The following RUNX1 variants were observed in gnomAD, a reference collection of about 807,000 sequenced individuals.
The protein encoded by RUNX1 is RUNX family transcription factor 1, also known as runt-related transcription factor 1.
In RUNX1, 19 loss-of-function variants were observed where a neutral mutation model predicts 42.8. The ratio of observed to expected loss-of-function variants is 0.44; its 90% confidence interval spans 0.31 to 0.65. The LOEUF is 0.65. Ranked by LOEUF, RUNX1 falls within the 30% of genes least tolerant of loss-of-function variation. RUNX1 has a pLI of 0.07. For synonymous variants in RUNX1, 271 were observed against 289.4 expected, an observed-to-expected ratio of 0.94 and a Z score of 0.64; for missense variants, 528 against 672.0, an observed-to-expected ratio of 0.79 and a Z score of 2.37.
chr21:34,893,529 C>CT (rs2058103527), intron 2 of RUNX1, among the ~76,000 whole-genome samples: 1 of 152,218 alleles, frequency 6.6e-6, no homozygotes, highest in African/African-American at 2.4e-5. Context: ...ATATGGATCA[C>CT]TTACTGTATA....
chr21:34,887,582 C>T, intron 3 of RUNX1: 1 of 1,117,298 alleles, frequency 9.0e-7, no homozygotes, highest in Non-Finnish European at 1.1e-6. Context: ...AAAGTCCCAA[C>T]AGAACACAAT....
intron 2 of RUNX1, among the ~76,000 whole-genome samples, chr21:34,995,883 TG>T (rs1479484508): frequency 3.3e-5 from 5 of 152,272 alleles, no homozygotes; most frequent in African/African-American, 1.2e-4. Flanking sequence ...CCTCTTCGAA[TG>T]TACATGTGTA....
At chr21:34,976,143 A>G (rs79850528) in intron 2 of RUNX1, among the ~76,000 whole-genome samples, 1 of 149,692 alleles carries the variant, frequency 6.7e-6, no homozygotes, top group Non-Finnish European at 1.5e-5. Context: ...AAAAAAAAAA[A>G]TTACAGAAGA....
chr21:34,968,143 G>T (rs1001289884), intron 2 of RUNX1, among the ~76,000 whole-genome samples: 3 of 152,324 alleles, frequency 2.0e-5, no homozygotes, highest in Admixed American at 1.3e-4. Context: ...ATCCCAGTTT[G>T]TCCATCTGTG....
intron 4 of RUNX1, among the ~76,000 whole-genome samples, chr21:34,881,051 A>C (rs987189215): frequency 6.6e-6 from 1 of 152,214 alleles, no homozygotes; most frequent in Non-Finnish European, 1.5e-5. Context: ...TCATAAAGCC[A>C]TAGTAGGTCA....
intron 6 of RUNX1, among the ~76,000 whole-genome samples, chr21:34,839,261 A>G (rs985801329): frequency 1.3e-5 from 2 of 151,284 alleles, no homozygotes; most frequent in Admixed American, 1.3e-4. Context: ...CACACTCGGA[A>G]TGTACACTCA....
At chr21:34,881,530 C>G (rs1290367355) in intron 4 of RUNX1, among the ~76,000 whole-genome samples, 1 of 152,168 alleles carries the variant, frequency 6.6e-6, no homozygotes, top group Admixed American at 6.5e-5. Flanking sequence ...GCACTCCCCT[C>G]AATTCAGGGG....
chr21:34,893,910 AAAAT>A (rs1339763534), intron 2 of RUNX1, among the ~76,000 whole-genome samples: 1 of 152,174 alleles, frequency 6.6e-6, no homozygotes, highest in Non-Finnish European at 1.5e-5. Context: ...AGGAACAACT[AAAAT>A]AAGAGGTTCT....
intron 2 of RUNX1, among the ~76,000 whole-genome samples, chr21:34,957,558 G>C (rs748968060): frequency 6.6e-6 from 1 of 152,178 alleles, no homozygotes; most frequent in African/African-American, 2.4e-5. Flanking sequence ...TGTCCCACTT[G>C]GAGTTTGGCC....
intron 2 of RUNX1, among the ~76,000 whole-genome samples, chr21:34,919,295 A>G (rs563910651): frequency 6.6e-6 from 1 of 152,316 alleles, no homozygotes; most frequent in South Asian, 2.1e-4. Context: ...ATGACCATGG[A>G]GAGAAGGGAC....
intron 7 of RUNX1, 72 bp downstream of exon 7, chr21:34,834,338 C>T (rs528711377): frequency 1.3e-6 from 2 of 1,494,140 alleles, no homozygotes; most frequent in Non-Finnish European, 1.9e-6. Flanking sequence ...AAGGTGTGTG[C>T]ACATGGGGGC....
chr21:34,788,159 G>A lies in RUNX1; in HGVS notation c.*3976C>T, dbSNP rs182175338. ...TTGTACCAGGGAGAAAGAAGCCCAC[G>A]CACGAATTTTCAGGATGTTTTGTGA... On this transcript the variant is annotated 3_prime_UTR_variant, in exon 9 of 9. Transcript: ENST00000675419. The A allele has an allele frequency of 6.9e-5, 16 of 233,416 alleles. No homozygotes were observed. Among genetic ancestry groups the A allele is most frequent in the East Asian group, 2.4e-4 (4 of 16,580 alleles). 14.5% of individuals were successfully genotyped at this position (233,416 alleles called of 1,614,324 possible).
intron 3 of RUNX1, chr21:34,888,240 G>A (rs1314444972): frequency 2.8e-6 from 3 of 1,066,948 alleles, no homozygotes; most frequent in Non-Finnish European, 2.3e-6. Flanking sequence ...CGAGCGCCGC[G>A]TAACCGCAGC....
intron 2 of RUNX1, among the ~76,000 whole-genome samples, chr21:35,020,422 T>G (rs2059190027): frequency 6.6e-6 from 1 of 152,166 alleles, no homozygotes; most frequent in African/African-American, 2.4e-5. Flanking sequence ...CAGATGTAAT[T>G]AGTTCTAATG....
intron 2 of RUNX1, among the ~76,000 whole-genome samples, chr21:34,979,321 T>C (rs1157722412): frequency 2.6e-5 from 4 of 151,994 alleles, no homozygotes; most frequent in Admixed American, 2.6e-4. Context: ...ATAGTCTTTA[T>C]AACCAATGCT....
At chr21:34,968,172 C>T (rs895700858) in intron 2 of RUNX1, among the ~76,000 whole-genome samples, 4 of 152,152 alleles carry the variant, frequency 2.6e-5, no homozygotes, top group Admixed American at 6.5e-5. Flanking sequence ...TCTGAGTGGG[C>T]GAGTTGCTTC....
intron 7 of RUNX1, among the ~76,000 whole-genome samples, chr21:34,815,804 G>A (rs556453108): frequency 1.7e-4 from 26 of 152,256 alleles, no homozygotes; most frequent in African/African-American, 5.3e-4. Flanking sequence ...GGCAGCCTCC[G>A]ATGAGGCTGA....
chr21:34,990,892 G>A (rs1164530686), intron 2 of RUNX1, among the ~76,000 whole-genome samples: 1 of 152,114 alleles, frequency 6.6e-6, no homozygotes, highest in African/African-American at 2.4e-5. Flanking sequence ...TGCCCGGCTG[G>A]GGAATAAATT....
At chr21:34,915,293 GAATT>G (rs1219383561) in intron 2 of RUNX1, among the ~76,000 whole-genome samples, 2 of 152,146 alleles carry the variant, frequency 1.3e-5, no homozygotes. Context: ...TTGAAGGGAA[GAATT>G]AATGACTATG....
Sources: gnomAD v4.1 joint callset for allele counts (sites outside exome capture counted in the v4.1 genomes callset) on GRCh38, gnomAD v4.1.1 for gene constraint, MANE v1.5 for transcripts, NCBI Gene and HGNC (gene_info 2026-07-23, HGNC 2026-07-21) for gene names.